PVT1: variants seen among roughly 807,000 people sequenced by gnomAD.
The protein encoded by PVT1 is Pvt1 oncogene, also known as CXCR4/PVT1 fusion.
intron 4 of PVT1, among the ~76,000 whole-genome samples, chr8:127,991,338 G>A (rs1817038985): frequency 6.6e-6 from 1 of 151,810 alleles, no homozygotes; most frequent in African/African-American, 2.4e-5. Flanking sequence ...TAGAGACGGG[G>A]TTTCACTGTG....
At chr8:127,848,266 C>T (rs1463527023) in intron 2 of PVT1, among the ~76,000 whole-genome samples, 2 of 152,200 alleles carry the variant, frequency 1.3e-5, no homozygotes, top group African/African-American at 4.8e-5. Flanking sequence ...ATACACCTGA[C>T]CAAAGCCAGG....
At chr8:127,835,036 G>A (rs979561309) in intron 2 of PVT1, among the ~76,000 whole-genome samples, 1 of 152,104 alleles carries the variant, frequency 6.6e-6, no homozygotes, top group African/African-American at 2.4e-5. Context: ...AAGACAGTGG[G>A]GTGATTCCTC....
chr8:127,991,937 C>T (rs1218392716), intron 4 of PVT1, among the ~76,000 whole-genome samples: 1 of 152,204 alleles, frequency 6.6e-6, no homozygotes, highest in African/African-American at 2.4e-5. Flanking sequence ...TGAGTCGGGA[C>T]TGTTGCCTGC....
rs144445107 is a variant in PVT1 at position 128,019,348 on chromosome 8, G to A, written n.912+30057G>A. On this transcript the variant is annotated intron_variant and non_coding_transcript_variant, in intron 4 of 10. Coordinates refer to ENST00000651587, the Ensembl canonical transcript of PVT1. ...CCAACACAAGCTTGAAACCCATCCC[G>A]CCCCTTCTTGAGATAATCCCTGTTG... Among the ~76,000 whole-genome samples the A allele has an allele frequency of 1.4e-4, 21 of 152,236 alleles. No homozygotes were observed. In the South Asian group the frequency reaches 3.3e-3, roughly 24 times the overall value.
chr8:127,942,847 T>C (rs1242949814), intron 3 of PVT1, among the ~76,000 whole-genome samples: 3 of 152,234 alleles, frequency 2.0e-5, no homozygotes, highest in Non-Finnish European at 4.4e-5. Context: ...CTGAAGTGGC[T>C]TTGGAAACCC....
intron 5 of PVT1, among the ~76,000 whole-genome samples, chr8:128,095,191 G>C (rs1426313174): frequency 6.6e-6 from 1 of 152,158 alleles, no homozygotes; most frequent in Admixed American, 6.6e-5. Context: ...GAAAAGAACC[G>C]AGATTTGGAA....
chr8:127,802,042 A>G (rs1387948553), intron 2 of PVT1, among the ~76,000 whole-genome samples: 1 of 151,756 alleles, frequency 6.6e-6, no homozygotes, highest in Non-Finnish European at 1.5e-5. Flanking sequence ...CAGCCTCCCA[A>G]GTAGCTGGGA....
chr8:127,895,558 T>C lies in PVT1; in HGVS notation n.782+4560T>C, dbSNP rs137989894. Among the ~76,000 whole-genome samples, 50 of 152,200 alleles carry C rather than the reference T, an allele frequency of 3.3e-4. No individual in the cohort carries two copies. In the East Asian group the frequency reaches 9.1e-3, roughly 28 times the overall value. The stretch of plus-strand genomic sequence containing the variant: ...TTAAATAAGAGAACATATTAAAAGG[T>C]TTCATTCAGTGCCAGGCATATAATA... On this transcript the variant is annotated intron_variant and non_coding_transcript_variant, in intron 3 of 10. Coordinates refer to ENST00000651587, the Ensembl canonical transcript of PVT1.
intron 4 of PVT1, among the ~76,000 whole-genome samples, chr8:128,004,633 A>G (rs935904182): frequency 1.3e-5 from 2 of 152,230 alleles, no homozygotes; most frequent in African/African-American, 4.8e-5. Context: ...TGGTCCTGCT[A>G]CAGGGAGAAG....
chr8:127,822,603 T>G (rs1204456035), intron 2 of PVT1, among the ~76,000 whole-genome samples: 2 of 151,858 alleles, frequency 1.3e-5, no homozygotes, highest in African/African-American at 2.4e-5. Flanking sequence ...AAAAATAAAT[T>G]CAATGCAGTG....
chr8:127,846,892 G>C (rs1815040277), intron 2 of PVT1, among the ~76,000 whole-genome samples: 2 of 151,318 alleles, frequency 1.3e-5, no homozygotes, highest in African/African-American at 2.4e-5. Flanking sequence ...TTTGGGACAG[G>C]CTGGTCTTGA....
At chr8:128,071,531 A>T (rs552822537) in intron 5 of PVT1, among the ~76,000 whole-genome samples, 82 of 151,430 alleles carry the variant, frequency 5.4e-4, no homozygotes, top group South Asian at 1.5e-3. Flanking sequence ...AAATTTTTAA[A>T]AAAAAAAAGC....
rs1481718485 is a variant in PVT1, at chr8:127,831,149, C to CTA, written n.372+35079_372+35080insAT. 6.1e-4 allele frequency among the ~76,000 whole-genome samples: 89 copies of CTA among 145,728 alleles called. 2 individuals are homozygous for CTA. The highest frequency in any genetic ancestry group is 3.8e-3 in the Admixed American group (57 of 14,878). On this transcript the variant is annotated intron_variant and non_coding_transcript_variant, in intron 2 of 10. Transcript: ENST00000651587. ...TCTATATCTATATCTATCTCTCTCT[C>CTA]TCTCTCTATATATATATATATCTCC...
Position 127,911,604 on chromosome 8 carries a change from C to T in PVT1, n.782+20606C>T, listed in dbSNP as rs150160300. Reference sequence around the variant, plus strand: ...TATAAGCCTCTGTTTCTCATCCTCGCTACCACCCCTGCGTAGTCCCTGTTT... The same window carrying T: ...TATAAGCCTCTGTTTCTCATCCTCGTTACCACCCCTGCGTAGTCCCTGTTT... On this transcript the variant is annotated intron_variant and non_coding_transcript_variant, in intron 3 of 10. Coordinates refer to ENST00000651587, the Ensembl canonical transcript of PVT1. 4.6e-3 allele frequency among the ~76,000 whole-genome samples: 706 copies of T among 152,358 alleles called. 3 individuals are homozygous for T. Among genetic ancestry groups the T allele is most frequent in the Non-Finnish European group, 8.2e-3 (561 of 68,038 alleles).
intron 2 of PVT1, among the ~76,000 whole-genome samples, chr8:127,803,823 C>T (rs566215239): frequency 2.0e-3 from 299 of 151,620 alleles, no homozygotes; most frequent in Middle Eastern, 3.4e-3. Flanking sequence ...TGGGTTCAAG[C>T]GATTCTCCTG....
At chr8:127,863,956 A>G (rs1586412085) in intron 2 of PVT1, among the ~76,000 whole-genome samples, 1 of 152,150 alleles carries the variant, frequency 6.6e-6, no homozygotes, top group Non-Finnish European at 1.5e-5. Context: ...ATTCCAGGTT[A>G]TTTTGGCTCA....
chr8:127,824,852 G>T (rs1814769325), intron 2 of PVT1, among the ~76,000 whole-genome samples: 2 of 152,134 alleles, frequency 1.3e-5, no homozygotes, highest in African/African-American at 4.8e-5. Flanking sequence ...GGGCATGAAG[G>T]CTCCTGCCTG....
chr8:128,056,236 G>C (rs954954825), intron 4 of PVT1, among the ~76,000 whole-genome samples: 1 of 152,164 alleles, frequency 6.6e-6, no homozygotes, highest in Non-Finnish European at 1.5e-5. Flanking sequence ...GATAATGTTG[G>C]TACTGAAGTG....
rs1423603460 is a variant in PVT1, at chr8:127,828,627, T to C, written n.372+32556T>C. On this transcript the variant is annotated intron_variant and non_coding_transcript_variant, in intron 2 of 10. Coordinates refer to ENST00000651587, the Ensembl canonical transcript of PVT1. ...GGAGCCAAGCGAGGCCAGGTTTTTC[T>C]ATAAACGTGGGGAGAGGGATGTTGA... Among the ~76,000 whole-genome samples, 4 of 152,154 alleles carry C rather than the reference T, an allele frequency of 2.6e-5. 1 individual carries two copies. The highest frequency in any genetic ancestry group is 4.8e-5 in the African/African-American group (2 of 41,446).
Sources: gnomAD v4.1 joint callset for allele counts (sites outside exome capture counted in the v4.1 genomes callset) on GRCh38, gnomAD v4.1.1 for gene constraint, MANE v1.5 for transcripts, NCBI Gene and HGNC (gene_info 2026-07-23, HGNC 2026-07-21) for gene names.